RNASE4: variants seen among roughly 807,000 people sequenced by gnomAD.
RNASE4 encodes the protein ribonuclease 4.
For synonymous variants in RNASE4, 93 were observed against 71.4 expected (o/e 1.30, Z -1.52); for missense variants, 194 against 192.8 (o/e 1.01, Z -0.04).
chr14:20,699,200 G>T, intron 1 of RNASE4, 155 bp from the exon 2 acceptor site: 1 of 621,902 alleles, frequency 1.6e-6, no homozygotes, highest in South Asian at 2.2e-5. Context: ...AGGAAGAAGG[G>T]TGGGAAAAGT....
At chr14:20,690,678 G>T (rs1369831670) in intron 1 of RNASE4, among the ~76,000 whole-genome samples, 1 of 152,112 alleles carries the variant, frequency 6.6e-6, no homozygotes, top group Non-Finnish European at 1.5e-5. Flanking sequence ...CCTCTATTAT[G>T]TTTAATGAGA....
At chr14:20,690,078 G>A (rs1019473415) in intron 1 of RNASE4, among the ~76,000 whole-genome samples, 4 of 148,278 alleles carry the variant, frequency 2.7e-5, no homozygotes, top group South Asian at 2.1e-4. Context: ...AGCCGGGCGC[G>A]GTGGCGGGCG....
At chr14:20,692,049 AC>A (rs1201774987) in intron 1 of RNASE4, among the ~76,000 whole-genome samples, 4 of 152,244 alleles carry the variant, frequency 2.6e-5, no homozygotes, top group African/African-American at 2.4e-5. Context: ...ACTATTTGAT[AC>A]GAAAATGTTC....
chr14:20,695,851 G>C (rs540956970), intron 1 of RNASE4, among the ~76,000 whole-genome samples: 1 of 152,368 alleles, frequency 6.6e-6, no homozygotes, highest in Admixed American at 6.5e-5. Flanking sequence ...CTTAGCACAA[G>C]AATCTCTCTT....
In RNASE4 at chr14:20,693,729, G is replaced by C. The variant is rs772822451; in HGVS notation, c.-17-5626G>C. The C allele has an allele frequency of 2.5e-6, 4 of 1,614,088 alleles. No homozygotes were observed. Among genetic ancestry groups the C allele is most frequent in the Non-Finnish European group, 3.4e-6 (4 of 1,180,052 alleles). On this transcript the variant is annotated intron_variant, in intron 1 of 1. Coordinates refer to ENST00000555835, the MANE Select transcript of RNASE4 (RefSeq NM_002937.5). The stretch of plus-strand genomic sequence containing the variant: ...ACAGATACTGTGAAAGCATCATGAG[G>C]AGACGGGGCCTGACCTCACCCTGCA...
At chr14:20,697,350 G>A (rs997647901) in intron 1 of RNASE4, among the ~76,000 whole-genome samples, 6 of 152,172 alleles carry the variant, frequency 3.9e-5, no homozygotes, top group Non-Finnish European at 7.3e-5. Context: ...ACCTTCAGAA[G>A]TTGTATGCAT....
intron 1 of RNASE4, among the ~76,000 whole-genome samples, chr14:20,693,042 T>C (rs567201782): frequency 6.6e-6 from 1 of 151,300 alleles, no homozygotes; most frequent in African/African-American, 2.4e-5. Context: ...AGAGACGGGG[T>C]TTCACCGTGG....
chr14:20,694,363 A>C (rs1022327470), intron 1 of RNASE4, among the ~76,000 whole-genome samples: 6 of 141,662 alleles, frequency 4.2e-5, no homozygotes, highest in African/African-American at 1.1e-4. Context: ...GCAATGGCAC[A>C]ATCTCGGCTC....
chr14:20,693,504 A>C, intron 1 of RNASE4: 3 of 1,603,902 alleles, frequency 1.9e-6, no homozygotes, highest in Non-Finnish European at 2.5e-6. Flanking sequence ...TAATTTGGTG[A>C]TGCTGTTCTT....
chr14:20,691,935 T>TAG (rs927373977), intron 1 of RNASE4, among the ~76,000 whole-genome samples: 3 of 152,222 alleles, frequency 2.0e-5, no homozygotes, highest in African/African-American at 7.2e-5. Flanking sequence ...ACCACAGGCC[T>TAG]AGTGCCAGGA....
In RNASE4 at chr14:20,699,246, GGAGGAAA is replaced by G. The variant is rs1322907472; in HGVS notation, c.-17-103_-17-97del. On this transcript the variant is annotated intron_variant, in intron 1 of 1. Coordinates refer to ENST00000555835, the MANE Select transcript of RNASE4 (RefSeq NM_002937.5). ...AGTGGGGAGATGGTGCATATAAGAA[GGAGGAAA>G]GAGGAGACTATGGAGTCAGGATGCC... 1.4e-5 allele frequency: 12 copies of G among 869,394 alleles called. No individual in the cohort carries two copies. The African/African-American group carries it at 2.0e-4, about 15-fold the overall frequency. 53.9% of individuals were successfully genotyped at this position (869,394 alleles called of 1,614,324 possible). A position where few individuals can be genotyped will look rare whatever the true frequency, so the allele number is the denominator to read the frequency against.
chr14:20,693,534 T>C, intron 1 of RNASE4: 1 of 1,609,216 alleles, frequency 6.2e-7, no homozygotes, highest in Non-Finnish European at 8.5e-7. Context: ...ACACCTCCTT[T>C]TGCCCTCCGC....
At chr14:20,695,527 C>T (rs17242783) in intron 1 of RNASE4, among the ~76,000 whole-genome samples, 8,370 of 152,280 alleles carry the variant, frequency 0.055, 392 homozygotes, top group East Asian at 0.26. Flanking sequence ...GTTCAATCTA[C>T]AGACTCAGTG....
chr14:20,690,512 G>A (rs1309843526), intron 1 of RNASE4, among the ~76,000 whole-genome samples: 1 of 152,102 alleles, frequency 6.6e-6, no homozygotes, highest in Non-Finnish European at 1.5e-5. Flanking sequence ...GAGTGAGGGA[G>A]CAGATGTTAG....
intron 1 of RNASE4, among the ~76,000 whole-genome samples, chr14:20,690,108 G>T (rs531906918): frequency 1.4e-5 from 2 of 147,724 alleles, no homozygotes; most frequent in South Asian, 2.1e-4. Context: ...CCAGCTACTC[G>T]GGAGGCTGAG....
In RNASE4 at chr14:20,701,075, G is replaced by A. The variant is rs1594216405; in HGVS notation, c.*1260G>A. ...GTGACCCCCGCCCCTGCCCGCTAGA[G>A]AATAACCCACTTTGACCGTAATTTC... On this transcript the variant is annotated 3_prime_UTR_variant, in exon 2 of 2. Coordinates refer to ENST00000555835, the MANE Select transcript of RNASE4 (RefSeq NM_002937.5). 1.3e-5 allele frequency: 2 copies of A among 152,092 alleles called. No individual in the cohort carries two copies. The highest frequency in any genetic ancestry group is 2.9e-5 in the Non-Finnish European group (2 of 68,026). 9.4% of individuals were successfully genotyped at this position (152,092 alleles called of 1,614,324 possible). A position where few individuals can be genotyped will look rare whatever the true frequency, so the allele number is the denominator to read the frequency against.
chr14:20,690,752 C>G (rs979642840), intron 1 of RNASE4, among the ~76,000 whole-genome samples: 1 of 152,010 alleles, frequency 6.6e-6, no homozygotes, highest in Non-Finnish European at 1.5e-5. Flanking sequence ...CAAACCTAGG[C>G]CTGGAGAGAA....
At chr14:20,697,074 A>G (rs777079382) in intron 1 of RNASE4, among the ~76,000 whole-genome samples, 4 of 152,180 alleles carry the variant, frequency 2.6e-5, no homozygotes, top group Non-Finnish European at 5.9e-5. Context: ...AGATGCACCC[A>G]TTGGTATCCA....
intron 1 of RNASE4, among the ~76,000 whole-genome samples, chr14:20,697,281 C>T (rs1401192640): frequency 6.6e-6 from 1 of 152,134 alleles, no homozygotes; most frequent in Non-Finnish European, 1.5e-5. Flanking sequence ...CGAGGTGCCA[C>T]CGGAAGAGCA....
Sources: gnomAD v4.1 joint callset for allele counts (sites outside exome capture counted in the v4.1 genomes callset) on GRCh38, gnomAD v4.1.1 for gene constraint, MANE v1.5 for transcripts, NCBI Gene and HGNC (gene_info 2026-07-23, HGNC 2026-07-21) for gene names.